DCAF6: variants seen among roughly 807,000 people sequenced by gnomAD.
DCAF6 encodes DDB1- and CUL4-associated factor 6.
In DCAF6, 54 loss-of-function variants were observed where a neutral mutation model predicts 125.1. The observed-to-expected ratio is 0.43, with a 90% CI of 0.35 to 0.54. The LOEUF is 0.54. Among genes scored for constraint, DCAF6 ranks in the 20% least tolerant of loss-of-function variants. The pLI is 0.01. For synonymous variants in DCAF6, 371 were observed against 390.4 expected, an observed-to-expected ratio of 0.95 and a Z score of 0.58; for missense variants, 934 against 1,161.7, an observed-to-expected ratio of 0.80 and a Z score of 2.85.
At chr1:167,943,133 TC>T (rs1672509276) in intron 1 of DCAF6, among the ~76,000 whole-genome samples, 1 of 152,164 alleles carries the variant, frequency 6.6e-6, no homozygotes, top group Non-Finnish European at 1.5e-5. Context: ...ATGGTCTCGA[TC>T]TCCTGACCTT....
chr1:167,974,922 T>G lies in DCAF6; in HGVS notation c.345T>G (p.Ser115=). 1.2e-6 allele frequency: 2 copies of G among 1,609,550 alleles called. No homozygotes were observed. The highest frequency in any genetic ancestry group is 1.7e-6 in the Non-Finnish European group (2 of 1,177,902). Residue 115 remains serine (S), a synonymous_variant, in exon 4 of 22, where the codon TCT becomes TCG. Transcript: ENST00000367840. Reference sequence around the variant, plus strand: ...ATGATAAACAGATTGTATCCTGCTCTGGAGATGGAGTAATATTTTATACCA... The same window carrying G: ...ATGATAAACAGATTGTATCCTGCTCGGGAGATGGAGTAATATTTTATACCA... ...CTNDKQIVSC[S]GDGVIFYTNV... is the part of the protein sequence containing the mutation.
chr1:167,921,221 G>C, the DCAF6 span, among the ~76,000 whole-genome samples: 3 of 151,378 alleles, frequency 2.0e-5, no homozygotes, highest in African/African-American at 7.3e-5. Flanking sequence ...TTAGTTTTTT[G>C]GTTAGATCAT....
the DCAF6 span, chr1:167,893,976 G>A: frequency 3.4e-5 from 52 of 1,529,480 alleles, no homozygotes; most frequent in Middle Eastern, 1.7e-4. Context: ...GGCTCAGAGA[G>A]GGAAGTTTGG....
At chr1:168,057,002 A>G (rs1344660005) in intron 17 of DCAF6, among the ~76,000 whole-genome samples, 1 of 152,178 alleles carries the variant, frequency 6.6e-6, no homozygotes, top group Non-Finnish European at 1.5e-5. Context: ...TATCCATGGT[A>G]CAGTATCCTT....
At chr1:167,919,744 T>G in the DCAF6 span, among the ~76,000 whole-genome samples, 2 of 152,204 alleles carry the variant, frequency 1.3e-5, no homozygotes, top group Admixed American at 1.3e-4. Context: ...TAACTGATTT[T>G]AGTCAGTTAA....
At chr1:168,057,958 C>A (rs373622265) in intron 17 of DCAF6, among the ~76,000 whole-genome samples, 60 of 152,256 alleles carry the variant, frequency 3.9e-4, no homozygotes, top group African/African-American at 1.3e-3. Context: ...GCCTACCACG[C>A]CAGTGGTAAC....
the DCAF6 span, among the ~76,000 whole-genome samples, chr1:167,885,240 C>T: frequency 6.6e-6 from 1 of 152,198 alleles, no homozygotes; most frequent in African/African-American, 2.4e-5. Context: ...AATAGCACTG[C>T]AGTAAACATG....
At chr1:168,022,078 CTGAT>C (rs1274435245) in intron 11 of DCAF6, among the ~76,000 whole-genome samples, 2 of 152,016 alleles carry the variant, frequency 1.3e-5, no homozygotes, top group Non-Finnish European at 2.9e-5. Context: ...GATCCCCAGG[CTGAT>C]TAGAGAGTAA....
the DCAF6 span, among the ~76,000 whole-genome samples, chr1:167,881,680 A>G: frequency 6.6e-6 from 1 of 152,232 alleles, no homozygotes; most frequent in Non-Finnish European, 1.5e-5. Flanking sequence ...TACATTATTT[A>G]AAACTTTCCA....
the DCAF6 span, among the ~76,000 whole-genome samples, chr1:167,927,730 C>T: frequency 4.6e-5 from 7 of 152,296 alleles, no homozygotes; most frequent in South Asian, 1.2e-3. Context: ...ATTTACTAAA[C>T]TGCCTAGAGC....
chr1:168,055,968 G>A (rs1165254029), intron 17 of DCAF6: 1 of 1,601,052 alleles, frequency 6.2e-7, no homozygotes, highest in African/African-American at 1.4e-5. Flanking sequence ...TAGTTCTGAA[G>A]GGTTACTCAG....
chr1:168,028,500 G>A (rs557058867), intron 12 of DCAF6, among the ~76,000 whole-genome samples: 5 of 152,216 alleles, frequency 3.3e-5, no homozygotes, highest in Admixed American at 2.0e-4. Context: ...GCATCTGCAG[G>A]CACTAATTTT....
chr1:168,041,074 C>A (rs1688468623), intron 13 of DCAF6, among the ~76,000 whole-genome samples: 1 of 151,756 alleles, frequency 6.6e-6, no homozygotes, highest in African/African-American at 2.4e-5. Context: ...CAGTTTTCTC[C>A]CTTGAAAACG....
the DCAF6 span, among the ~76,000 whole-genome samples, chr1:167,882,106 A>G: frequency 1.3e-5 from 2 of 152,224 alleles, no homozygotes; most frequent in Admixed American, 1.3e-4. Flanking sequence ...TTTAATACAC[A>G]AAAGGAATTG....
chr1:168,060,735 T>C (rs1691486374), intron 17 of DCAF6, among the ~76,000 whole-genome samples: 1 of 152,020 alleles, frequency 6.6e-6, no homozygotes, highest in African/African-American at 2.4e-5. Context: ...CTACTAAAAA[T>C]ACAAAAATTA....
intron 8 of DCAF6, among the ~76,000 whole-genome samples, chr1:168,003,490 G>C (rs1297724070): frequency 6.6e-6 from 1 of 152,048 alleles, no homozygotes; most frequent in Non-Finnish European, 1.5e-5. Context: ...AATGCTTTAG[G>C]GAGAGGGAAA....
At chr1:167,950,112 C>T (rs1673695193) in intron 1 of DCAF6, among the ~76,000 whole-genome samples, 1 of 152,184 alleles carries the variant, frequency 6.6e-6, no homozygotes, top group African/African-American at 2.4e-5. Context: ...GGTTCTGCCA[C>T]CATTTTCTCC....
intron 10 of DCAF6, among the ~76,000 whole-genome samples, chr1:168,013,038 C>A (rs1283345628): frequency 2.0e-5 from 3 of 152,040 alleles, no homozygotes; most frequent in Non-Finnish European, 4.4e-5. Flanking sequence ...CATATATGGC[C>A]TCTCTCATAG....
At chr1:168,054,246 C>A (rs1396095174) in intron 17 of DCAF6, among the ~76,000 whole-genome samples, 1 of 152,054 alleles carries the variant, frequency 6.6e-6, no homozygotes, top group East Asian at 1.9e-4. Flanking sequence ...GCTGGGAAAT[C>A]CAAGGTTGAA....
Sources: allele counts gnomAD v4.1 joint callset (sites outside exome capture counted in the v4.1 genomes callset), GRCh38; gene constraint gnomAD v4.1.1; transcripts MANE v1.5; gene names NCBI Gene and HGNC (gene_info 2026-07-23, HGNC 2026-07-21).